Variants in IFT122 observed in about 807,000 individuals in gnomAD.
IFT122 encodes intraflagellar transport 122, also known as intraflagellar transport protein 122 homolog.
IFT122 carries 118 observed loss-of-function variants against 161.6 expected under a neutral mutation model. That is an observed-to-expected ratio of 0.73 (90% confidence interval 0.63 to 0.85). The LOEUF is 0.85. IFT122 is among the 40% of genes least tolerant of loss of function. IFT122 has a pLI of 0.00. For missense variants in IFT122, 1,381 were observed against 1,579.6 expected, an observed-to-expected ratio of 0.87 and a Z score of 2.13; for synonymous variants, 550 against 602.4, an observed-to-expected ratio of 0.91 and a Z score of 1.27.
At chr3:129,509,084 G>T (rs2108602086) in intron 23 of IFT122, among the ~76,000 whole-genome samples, 1 of 152,296 alleles carries the variant, frequency 6.6e-6, no homozygotes, top group South Asian at 2.1e-4. Flanking sequence ...TCTCAGTCCA[G>T]CCGTGGAGCT....
intron 6 of IFT122, 103 bp downstream of exon 6, chr3:129,463,729 T>C: frequency 6.3e-6 from 6 of 949,946 alleles, no homozygotes; most frequent in Non-Finnish European, 1.7e-6. Flanking sequence ...TGTTAGGTAG[T>C]TGGTTTAGGC....
chr3:129,451,263 T>C (rs2074807780), intron 2 of IFT122, among the ~76,000 whole-genome samples: 1 of 151,878 alleles, frequency 6.6e-6, no homozygotes, highest in Non-Finnish European at 1.5e-5. Context: ...CTCGTCCACC[T>C]AATTTTTATT....
At chr3:129,457,302 A>C (rs1283687754) in intron 3 of IFT122, among the ~76,000 whole-genome samples, 1 of 152,052 alleles carries the variant, frequency 6.6e-6, no homozygotes, top group African/African-American at 2.4e-5. Flanking sequence ...CTGATCTATC[A>C]CTCTTTGCTT....
Position 129,476,327 on chromosome 3 carries a change from C to CGG in IFT122, c.831_832dup (p.Ala278GlyfsTer3). On this transcript the variant is annotated frameshift_variant, in exon 10 of 30. Transcript: ENST00000348417. LOFTEE classifies it high-confidence loss of function. ...TCTTTTTCCTCAGATTGGAAAGGAT[C>CGG]GGGCACTGAACTTTGACCCCTGCTG... is the stretch of plus-strand genomic sequence containing the variant. 1 of 1,614,138 alleles carries CGG rather than the reference C, an allele frequency of 6.2e-7. No homozygotes were observed. Among genetic ancestry groups the CGG allele is most frequent in the Non-Finnish European group, 8.5e-7 (1 of 1,180,030 alleles).
chr3:129,442,622 A>G lies in IFT122; in HGVS notation c.41+2251A>G, dbSNP rs77814002. On this transcript the variant is annotated intron_variant, in intron 1 of 29. Transcript: ENST00000348417. ...TAGAACTAAAAAAATCCTAGATGTC[A>G]AAGATTAGTCCTCCACATCCAAATC... Among the ~76,000 whole-genome samples the G allele has an allele frequency of 6.7e-3, 1,019 of 152,112 alleles. 10 individuals carry two copies. The highest frequency in any genetic ancestry group is 0.023 in the African/African-American group (973 of 41,542).
rs745857213 is a variant in IFT122 at position 129,495,572 on chromosome 3, A to G, written c.2173A>G (p.Met725Val). 6.2e-7 allele frequency: 1 copy of G among 1,614,218 alleles called. No homozygotes were observed. The highest frequency in any genetic ancestry group is 1.1e-5 in the South Asian group (1 of 91,092). ...RSGHENLALEMYTDLCMFEYA... is the reference protein window; with the variant it reads ...RSGHENLALEVYTDLCMFEYA... ...TGGGCACGAGAACCTCGCGCTTGAA[A>G]TGTACACCGACCTCTGCATGTTTGA... Residue 725 changes from methionine (M) to valine (V), a missense_variant, in exon 18 of 30, where the codon ATG (methionine) becomes GTG (valine). Physicochemically the swap from Met to Val is conservative, Grantham distance 21. Transcript: ENST00000348417.
At chr3:129,456,838 C>T (rs1424991644) in intron 3 of IFT122, among the ~76,000 whole-genome samples, 2 of 152,176 alleles carry the variant, frequency 1.3e-5, no homozygotes, top group Admixed American at 6.6e-5. Context: ...ATCGCTTGAA[C>T]CCGGGAGTCG....
chr3:129,512,408 A>G lies in IFT122; in HGVS notation c.2983A>G (p.Lys995Glu). ...LPKDTPSGISKVKILFTLAKQ... is the reference protein window; with the variant it reads ...LPKDTPSGISEVKILFTLAKQ... ...CAAGGACACCCCCTCGGGCATCTCT[A>G]AAGTGTATCCTTTCTCTTATCCCTC... Residue 995 changes from lysine to glutamate, a missense_variant, in exon 24 of 30, where the codon AAA becomes GAA. Transcript: ENST00000348417. 2 of 1,601,404 alleles carry G rather than the reference A, an allele frequency of 1.2e-6. No homozygotes were observed. The highest frequency in any genetic ancestry group is 1.7e-6 in the Non-Finnish European group (2 of 1,168,438).
chr3:129,454,251 C>A (rs2107961190), intron 3 of IFT122, among the ~76,000 whole-genome samples: 1 of 152,216 alleles, frequency 6.6e-6, no homozygotes, highest in East Asian at 1.9e-4. Context: ...CACGGTGGCT[C>A]ATGCCTATAA....
At chr3:129,510,370 G>A (rs1016952931) in intron 23 of IFT122, among the ~76,000 whole-genome samples, 9 of 152,190 alleles carry the variant, frequency 5.9e-5, no homozygotes, top group Admixed American at 2.6e-4. Flanking sequence ...TGTGCATGCC[G>A]TCAGTCTAGT....
At chr3:129,444,322 CTCAGGGCT>C (rs2073690557) in intron 1 of IFT122, among the ~76,000 whole-genome samples, 1 of 152,214 alleles carries the variant, frequency 6.6e-6, no homozygotes, top group African/African-American at 2.4e-5. Context: ...AGCTGAAAAA[CTCAGGGCT>C]TCAGTTTGCC....
At chr3:129,494,471 G>A (rs1465897698) in intron 17 of IFT122, among the ~76,000 whole-genome samples, 1 of 152,170 alleles carries the variant, frequency 6.6e-6, no homozygotes, top group Non-Finnish European at 1.5e-5. Context: ...ATGGAAGCAT[G>A]TTGCCTCCAG....
chr3:129,479,321 C>T (rs1402197869), intron 12 of IFT122, among the ~76,000 whole-genome samples: 1 of 151,710 alleles, frequency 6.6e-6, no homozygotes, highest in Non-Finnish European at 1.5e-5. Context: ...CCTGTAGTCC[C>T]AGCTACTTGG....
chr3:129,481,016 T>C (rs2078570800), intron 13 of IFT122, among the ~76,000 whole-genome samples: 1 of 152,148 alleles, frequency 6.6e-6, no homozygotes, highest in Non-Finnish European at 1.5e-5. Context: ...ATTATACCTG[T>C]GAATAGCCAC....
intron 20 of IFT122, 94 bp from the exon 21 acceptor site, chr3:129,504,225 A>G (rs901486557): frequency 7.1e-5 from 77 of 1,087,356 alleles, no homozygotes; most frequent in Admixed American, 6.7e-4. Flanking sequence ...AGGCTGGCAA[A>G]ATATGATGTC....
chr3:129,502,567 T>G (rs975058116), intron 19 of IFT122, 144 bp from the exon 20 acceptor site: 1 of 910,406 alleles, frequency 1.1e-6, no homozygotes, highest in Non-Finnish European at 1.8e-6. Context: ...GAGTGTGTAT[T>G]CATGCATTTA....
chr3:129,509,866 C>T (rs976774003), intron 23 of IFT122, among the ~76,000 whole-genome samples: 6 of 152,200 alleles, frequency 3.9e-5, no homozygotes, highest in African/African-American at 1.4e-4. Context: ...TACTTATCTT[C>T]TCTGGCCTTC....
Position 129,519,292 on chromosome 3 carries a change from A to ACTTC in IFT122, c.3471+108_3471+111dup. 5 of 1,143,150 alleles carry ACTTC rather than the reference A, an allele frequency of 4.4e-6. No homozygotes were observed. The Middle Eastern group carries it at 6.6e-4, about 151-fold the overall frequency. 70.8% of individuals were successfully genotyped at this position (1,143,150 alleles called of 1,614,324 possible). On this transcript the variant is annotated intron_variant, in intron 28 of 29. Coordinates refer to ENST00000348417, the MANE Select transcript of IFT122 (RefSeq NM_052989.3). ...CAGTGGTGGAGGAGGATTGGCCAGA[A>ACTTC]CTTCCAGATGTGGTGGCACGAAGGA... is the stretch of plus-strand genomic sequence containing the variant.
chr3:129,503,649 T>C (rs1031122670), intron 20 of IFT122, among the ~76,000 whole-genome samples: 12 of 152,154 alleles, frequency 7.9e-5, no homozygotes, highest in Non-Finnish European at 1.6e-4. Flanking sequence ...CTGACTGTTG[T>C]CTGCTCTCTG....
Sources: allele counts gnomAD v4.1 joint callset (sites outside exome capture counted in the v4.1 genomes callset), GRCh38; gene constraint gnomAD v4.1.1; transcripts MANE v1.5; gene names NCBI Gene and HGNC (gene_info 2026-07-23, HGNC 2026-07-21).